The following SGCG variants were observed in gnomAD, a reference collection of about 807,000 sequenced individuals.
SGCG encodes sarcoglycan gamma, also known as gamma-sarcoglycan.
SGCG carries 26 observed loss-of-function variants against 29.3 expected under a neutral mutation model. The ratio of observed to expected loss-of-function variants is 0.89; its 90% CI spans 0.65 to 1.23. SGCG has a LOEUF of 1.23. Among genes scored for constraint, SGCG ranks in the 50% most tolerant of loss-of-function variants. The pLI, the probability that SGCG is intolerant of heterozygous loss-of-function variation, is 0.00. For synonymous variants in SGCG, 145 were observed against 129.7 expected, an observed-to-expected ratio of 1.12 and a Z score of -0.80; for missense variants, 353 against 356.0, an observed-to-expected ratio of 0.99 and a Z score of 0.07.
chr13:23,234,619 G>T lies in SGCG; in HGVS notation c.204G>T (p.Met68Ile), dbSNP rs1298048275. 1 of 1,608,004 alleles carries T rather than the reference G, an allele frequency of 6.2e-7. No individual in the cohort carries two copies. Among genetic ancestry groups the T allele is most frequent in the African/African-American group, 1.3e-5 (1 of 74,592 alleles). Residue 68 changes from methionine (M) to isoleucine (I), a missense_variant, in exon 3 of 8, where the codon ATG becomes ATT. Physicochemically the swap from Met to Ile is conservative, Grantham distance 10. Transcript: ENST00000218867. ...TTTTTTTTTTTTAACAGGCAGGAATGGGCCACTTGTGTGTAACAAAAGATG... is the reference window on the plus strand; with the variant it reads ...TTTTTTTTTTTTAACAGGCAGGAATTGGCCACTTGTGTGTAACAAAAGATG... The part of the protein sequence containing the change: ...LKVMWFSPAG[M>I]GHLCVTKDGL...
intron 2 of SGCG, among the ~76,000 whole-genome samples, chr13:23,229,376 C>T (rs1039398637): frequency 7.2e-5 from 11 of 152,184 alleles, no homozygotes; most frequent in African/African-American, 2.7e-4. Flanking sequence ...GGAGTTGCCA[C>T]ACTGCTTTCC....
chr13:23,254,545 G>A (rs866063356), intron 4 of SGCG, among the ~76,000 whole-genome samples: 3 of 152,086 alleles, frequency 2.0e-5, no homozygotes, highest in Non-Finnish European at 4.4e-5. Flanking sequence ...TAAAAGGGAA[G>A]CAGAGTGGAA....
intron 2 of SGCG, among the ~76,000 whole-genome samples, chr13:23,205,190 A>T (rs1055457135): frequency 6.6e-6 from 1 of 152,224 alleles, no homozygotes; most frequent in Non-Finnish European, 1.5e-5. Flanking sequence ...ACAGCATCAC[A>T]ATAGTACTTA....
intron 1 of SGCG, among the ~76,000 whole-genome samples, chr13:23,193,611 A>G (rs1832255): frequency 0.29 from 44,028 of 152,060 alleles, 7,154 homozygotes; most frequent in East Asian, 0.37. Context: ...AATAGAGAAG[A>G]GAAGGGGGGA....
chr13:23,286,920 G>A (rs543435905), intron 5 of SGCG, among the ~76,000 whole-genome samples: 69 of 152,290 alleles, frequency 4.5e-4, no homozygotes, highest in African/African-American at 1.6e-3. Flanking sequence ...AGGACGGTGG[G>A]TAACTGAAAC....
chr13:23,204,880 A>C (rs1824121002), intron 2 of SGCG, among the ~76,000 whole-genome samples: 1 of 151,594 alleles, frequency 6.6e-6, no homozygotes, highest in African/African-American at 2.4e-5. Context: ...CTTTCTATGC[A>C]ACTGTTTCTA....
At chr13:23,185,901 G>A (rs557954720) in intron 1 of SGCG, among the ~76,000 whole-genome samples, 12 of 152,282 alleles carry the variant, frequency 7.9e-5, no homozygotes, top group African/African-American at 2.6e-4. Flanking sequence ...GACATAGCAC[G>A]AGTCCACCCC....
chr13:23,318,022 A>G (rs1882890451), intron 6 of SGCG, among the ~76,000 whole-genome samples: 1 of 152,214 alleles, frequency 6.6e-6, no homozygotes, highest in Admixed American at 6.5e-5. Flanking sequence ...CTCCCAGCCT[A>G]CATCTTTTTG....
At chr13:23,234,339 A>G (rs1331819755) in intron 2 of SGCG, among the ~76,000 whole-genome samples, 1 of 152,084 alleles carries the variant, frequency 6.6e-6, no homozygotes, top group African/African-American at 2.4e-5. Context: ...AAAAAAATGG[A>G]TTCTTTTTCT....
intron 4 of SGCG, among the ~76,000 whole-genome samples, chr13:23,278,326 C>G (rs926861017): frequency 3.3e-5 from 5 of 151,932 alleles, no homozygotes; most frequent in African/African-American, 1.2e-4. Flanking sequence ...GCCTGTAATC[C>G]CAGCTACTCT....
chr13:23,303,684 C>T (rs1882259232), intron 6 of SGCG, among the ~76,000 whole-genome samples: 1 of 152,168 alleles, frequency 6.6e-6, no homozygotes, highest in South Asian at 2.1e-4. Context: ...TATATGGGCA[C>T]CTGATTTATT....
rs577088627 is a variant in SGCG at position 23,288,981 on chromosome 13, TAA to T, written c.506-6432_506-6431del. On this transcript the variant is annotated intron_variant, in intron 5 of 7. Transcript: ENST00000218867. ...TTCTGTGCAGCTAAGCAAGATCACATAAAGTCAAAAGTGATAGTGTAGAAATG... is the reference window on the plus strand; with the variant it reads ...TTCTGTGCAGCTAAGCAAGATCACATAGTCAAAAGTGATAGTGTAGAAATG... Among the ~76,000 whole-genome samples the T allele has an allele frequency of 1.8e-3, 268 of 152,240 alleles. 1 individual carries two copies. Among genetic ancestry groups the T allele is most frequent in the African/African-American group, 5.9e-3 (246 of 41,536 alleles).
the SGCG span, chr13:23,170,581 T>C: frequency 6.6e-6 from 1 of 152,432 alleles, no homozygotes; most frequent in African/African-American, 2.4e-5. Context: ...CTTCCTGTTG[T>C]TGCCTTCTTC....
At chr13:23,267,178 CAA>C (rs1880671275) in intron 4 of SGCG, among the ~76,000 whole-genome samples, 1 of 152,172 alleles carries the variant, frequency 6.6e-6, no homozygotes, top group Non-Finnish European at 1.5e-5. Flanking sequence ...TGTGCCCACA[CAA>C]GTTGATGAAG....
chr13:23,273,391 G>A (rs1242358195), intron 4 of SGCG, among the ~76,000 whole-genome samples: 1 of 151,954 alleles, frequency 6.6e-6, no homozygotes, highest in Non-Finnish European at 1.5e-5. Flanking sequence ...CACCACGTTG[G>A]CCAGTCTGGT....
At chr13:23,249,728 A>G (rs2137568057) in intron 3 of SGCG, among the ~76,000 whole-genome samples, 1 of 152,318 alleles carries the variant, frequency 6.6e-6, no homozygotes, top group Admixed American at 6.5e-5. Flanking sequence ...AACAAAGAAA[A>G]CTCAGACTGT....
At chr13:23,270,733 G>A (rs897096561) in intron 4 of SGCG, among the ~76,000 whole-genome samples, 1 of 152,006 alleles carries the variant, frequency 6.6e-6, no homozygotes, top group Non-Finnish European at 1.5e-5. Flanking sequence ...GCCTCTAGAT[G>A]TTGAGTCATT....
At chr13:23,197,141 A>G (rs189643038) in intron 1 of SGCG, among the ~76,000 whole-genome samples, 5 of 151,406 alleles carry the variant, frequency 3.3e-5, no homozygotes, top group African/African-American at 1.2e-4. Flanking sequence ...TTTTTTTGTT[A>G]CTGTAGCACA....
chr13:23,192,258 T>G (rs1246409997), intron 1 of SGCG, among the ~76,000 whole-genome samples: 1 of 152,034 alleles, frequency 6.6e-6, no homozygotes, highest in Non-Finnish European at 1.5e-5. Context: ...AGTTAAAGGG[T>G]CTGGAAGTAA....
Sources: gnomAD v4.1 joint callset for allele counts (sites outside exome capture counted in the v4.1 genomes callset) on GRCh38, gnomAD v4.1.1 for gene constraint, MANE v1.5 for transcripts, NCBI Gene and HGNC (gene_info 2026-07-23, HGNC 2026-07-21) for gene names.